Variants in PDXDC1 observed in about 807,000 individuals in gnomAD.
PDXDC1 encodes the protein pyridoxal dependent decarboxylase domain containing 1, also known as pyridoxal-dependent decarboxylase domain-containing protein 1.
PDXDC1 carries 42 observed loss-of-function variants against 100.1 expected under a neutral mutation model. The observed-to-expected ratio is 0.42, with a 90% CI of 0.33 to 0.54. The LOEUF (loss-of-function observed/expected upper bound fraction) is 0.54, where lower values mean the gene tolerates loss of function less well. Among genes scored for constraint, PDXDC1 ranks in the 20% least tolerant of loss-of-function variants. The probability of loss-of-function intolerance (pLI) is 0.10; values close to 1 mark genes in which losing one functional copy is unlikely to be tolerated. For synonymous variants in PDXDC1, 260 were observed against 371.7 expected (o/e 0.70, Z 3.46); for missense variants, 636 against 979.2 (o/e 0.65, Z 4.68).
intron 21 of PDXDC1, among the ~76,000 whole-genome samples, 166 bp downstream of exon 21, chr16:15,034,719 C>T (rs549590555): frequency 1.2e-4 from 18 of 152,236 alleles, no homozygotes; most frequent in South Asian, 8.3e-4. Flanking sequence ...GCCCTGTCCT[C>T]CTCCCCACCG....
chr16:15,047,933 GAAATA>G (rs2044141696), intron 16 of PDXDC1: 1 of 1,611,834 alleles, frequency 6.2e-7, no homozygotes, highest in Non-Finnish European at 8.5e-7. Flanking sequence ...GTTTAAAAAA[GAAATA>G]AAATAAAATA....
At chr16:15,014,863 C>A (rs1229327089) in intron 8 of PDXDC1, among the ~76,000 whole-genome samples, 1 of 152,296 alleles carries the variant, frequency 6.6e-6, no homozygotes, top group Non-Finnish European at 1.5e-5. Context: ...GCTTAATATG[C>A]TTAAGCTGGC....
At chr16:15,009,040 G>C (rs1215906940) in intron 7 of PDXDC1, among the ~76,000 whole-genome samples, 193 bp downstream of exon 7, 2 of 152,280 alleles carry the variant, frequency 1.3e-5, no homozygotes, top group African/African-American at 4.8e-5. Flanking sequence ...TAGGTCAGGA[G>C]CACCTGGCTT....
At chr16:15,048,279 G>C (rs1276675065) in intron 16 of PDXDC1, among the ~76,000 whole-genome samples, 1 of 152,242 alleles carries the variant, frequency 6.6e-6, no homozygotes, top group Non-Finnish European at 1.5e-5. Flanking sequence ...GAACAATGCA[G>C]AGAAAACGAT....
chr16:15,041,751 C>CGACAGGGAGG (rs1324070981), downstream of PDXDC1: 1 of 1,079,006 alleles, frequency 9.3e-7, no homozygotes, highest in Non-Finnish European at 1.4e-6. Context: ...AGCAAGCCAA[C>CGACAGGGAGG]GACAGGGAGG....
chr16:15,075,876 G>A (rs1182951215), intron 16 of PDXDC1, among the ~76,000 whole-genome samples: 2 of 152,080 alleles, frequency 1.3e-5, no homozygotes, highest in Admixed American at 6.6e-5. Flanking sequence ...GCTCACAGCC[G>A]CCTACTTTCT....
At chr16:15,133,988 C>T in intron 16 of PDXDC1, 2 of 1,359,296 alleles carry the variant, frequency 1.5e-6, no homozygotes, top group Non-Finnish European at 2.0e-6. Flanking sequence ...CCCGCCGCAG[C>T]ACCAGTCACA....
intron 1 of PDXDC1, among the ~76,000 whole-genome samples, chr16:14,990,836 G>A (rs548131015): frequency 1.2e-3 from 185 of 152,394 alleles, no homozygotes; most frequent in African/African-American, 4.2e-3. Context: ...CGCCTCCTGG[G>A]TTCAAGCGAT....
rs377198935 is a variant in PDXDC1 at position 15,033,265 on chromosome 16, G to A, written c.1691-13G>A. 7 of 1,613,916 alleles carry A rather than the reference G, an allele frequency of 4.3e-6. No individual in the cohort carries two copies. Among genetic ancestry groups the A allele is most frequent in the African/African-American group, 2.7e-5 (2 of 74,928 alleles). On this transcript the variant is annotated splice_polypyrimidine_tract_variant and intron_variant, in intron 18 of 22. Coordinates refer to ENST00000396410, the MANE Select transcript of PDXDC1 (RefSeq NM_015027.4). ...GGACTGAGAAACTCAAGTTTGTCTCGTTACCTTTGCAGGCCCTGAGTATAA... is the reference window on the plus strand; with the variant it reads ...GGACTGAGAAACTCAAGTTTGTCTCATTACCTTTGCAGGCCCTGAGTATAA...
chr16:15,024,760 A>C (rs1471358886), intron 13 of PDXDC1, among the ~76,000 whole-genome samples: 1 of 152,286 alleles, frequency 6.6e-6, no homozygotes, highest in Admixed American at 6.5e-5. Context: ...TTCAGATCTT[A>C]ATTCAAATCT....
intron 16 of PDXDC1, among the ~76,000 whole-genome samples, chr16:15,053,121 AATTG>A (rs1402182766): frequency 1.3e-5 from 2 of 152,186 alleles, no homozygotes; most frequent in Non-Finnish European, 1.5e-5. Flanking sequence ...ATCTAATTTT[AATTG>A]ATTTTTAAGT....
chr16:14,977,909 C>G (rs1298014880), intron 1 of PDXDC1, among the ~76,000 whole-genome samples: 21 of 152,266 alleles, frequency 1.4e-4, no homozygotes, highest in Non-Finnish European at 1.5e-4. Context: ...TGCTCACCCT[C>G]TAAAATTTAA....
intron 8 of PDXDC1, among the ~76,000 whole-genome samples, chr16:15,012,401 G>A (rs1387553328): frequency 1.3e-5 from 2 of 152,258 alleles, no homozygotes; most frequent in Non-Finnish European, 2.9e-5. Context: ...CACTGTGCCC[G>A]GCCCACAATA....
chr16:14,998,244 G>C, intron 2 of PDXDC1, 96 bp from the exon 3 acceptor site: 1 of 1,184,484 alleles, frequency 8.4e-7, no homozygotes, highest in Non-Finnish European at 1.2e-6. Context: ...TCAGTCACTG[G>C]GAGGTTATAG....
At chr16:15,007,391 G>A (rs1370605018) in intron 6 of PDXDC1, among the ~76,000 whole-genome samples, 3 of 152,188 alleles carry the variant, frequency 2.0e-5, no homozygotes, top group African/African-American at 4.8e-5. Flanking sequence ...AGCCAGGATG[G>A]TGTCGATCTC....
intron 1 of PDXDC1, among the ~76,000 whole-genome samples, chr16:14,986,000 C>T (rs1352918526): frequency 6.6e-6 from 1 of 152,228 alleles, no homozygotes; most frequent in Non-Finnish European, 1.5e-5. Context: ...GCTCAGGGGG[C>T]TGAGGTTAGA....
upstream of PDXDC1, chr16:14,975,011 GC>G: frequency 6.5e-7 from 1 of 1,534,486 alleles, no homozygotes; most frequent in Non-Finnish European, 8.7e-7. Context: ...GCGCTACGGG[GC>G]CCCGCCCCGC....
rs371785165 is a variant in PDXDC1, at chr16:15,119,417, GT to G, written c.1400-19448del. Among the ~76,000 whole-genome samples the G allele has an allele frequency of 4.8e-4, 66 of 137,900 alleles. 1 individual carries two copies. Among genetic ancestry groups the G allele is most frequent in the African/African-American group, 9.5e-4 (36 of 37,742 alleles). The allele number at this position is 137,900 out of a possible 152,430, so 90.5% of individuals were successfully genotyped here. A position where few individuals can be genotyped will look rare whatever the true frequency, so the allele number is the denominator to read the frequency against. ...GATCTAAAAAAAAAAAATTTTTTTT[GT>G]TTTTTTTTTTTTTGAGACAGAGTTC... On this transcript the variant is annotated intron_variant, in intron 16 of 16. Transcript: ENST00000535621.
intron 16 of PDXDC1, chr16:15,127,413 T>C (rs1382613824): frequency 2.1e-6 from 3 of 1,415,586 alleles, no homozygotes; most frequent in Admixed American, 3.9e-5. Flanking sequence ...GCTCTGGGCA[T>C]GGTGCCGAGG....
Sources: allele counts gnomAD v4.1 joint callset (sites outside exome capture counted in the v4.1 genomes callset), GRCh38; gene constraint gnomAD v4.1.1; transcripts MANE v1.5; gene names NCBI Gene and HGNC (gene_info 2026-07-23, HGNC 2026-07-21).